CDC42BPA: variants seen among roughly 807,000 people sequenced by gnomAD.
CDC42BPA encodes the protein CDC42 binding protein kinase alpha.
In CDC42BPA, 80 loss-of-function variants were observed where a neutral mutation model predicts 223.5. That is an observed-to-expected ratio of 0.36 (90% CI 0.30 to 0.43). CDC42BPA has a LOEUF of 0.43. Ranked by LOEUF, CDC42BPA falls within the 20% of genes least tolerant of loss-of-function variation. The probability of loss-of-function intolerance (pLI) is 1.00; values close to 1 mark genes in which losing one functional copy is unlikely to be tolerated. For missense variants in CDC42BPA, 1,743 were observed against 2,099.9 expected (o/e 0.83, Z 3.32); for synonymous variants, 694 against 718.6 (o/e 0.97, Z 0.55).
chr1:227,153,694 G>C (rs2149742531), intron 6 of CDC42BPA, among the ~76,000 whole-genome samples: 1 of 151,924 alleles, frequency 6.6e-6, no homozygotes, highest in Middle Eastern at 3.4e-3. Context: ...CAGGAAGAAA[G>C]AGAAAGTCCA....
chr1:227,112,566 A>C, intron 13 of CDC42BPA, 105 bp downstream of exon 13: 1 of 989,568 alleles, frequency 1.0e-6, no homozygotes, highest in Non-Finnish European at 1.4e-6. Context: ...GAACTATAAA[A>C]ATAACTTTAG....
intron 30 of CDC42BPA, among the ~76,000 whole-genome samples, chr1:227,027,377 C>T (rs1026120645): frequency 2.0e-5 from 3 of 152,152 alleles, no homozygotes; most frequent in Non-Finnish European, 2.9e-5. Flanking sequence ...GACCCATACC[C>T]ATCACTCCTC....
intron 5 of CDC42BPA, among the ~76,000 whole-genome samples, chr1:227,166,240 C>T (rs1478316983): frequency 6.6e-6 from 1 of 152,286 alleles, no homozygotes; most frequent in Non-Finnish European, 1.5e-5. Context: ...TTTGGGCAGA[C>T]GGAAACTCTC....
intron 6 of CDC42BPA, among the ~76,000 whole-genome samples, chr1:227,148,819 T>C (rs1571980925): frequency 7.6e-6 from 1 of 132,184 alleles, no homozygotes; most frequent in Non-Finnish European, 1.6e-5. Context: ...AATATAACAA[T>C]TATTTGTATA....
chr1:227,280,791 T>C (rs536880807), intron 1 of CDC42BPA, among the ~76,000 whole-genome samples: 2 of 152,382 alleles, frequency 1.3e-5, no homozygotes, highest in East Asian at 3.9e-4. Context: ...AAGTTCTGTT[T>C]CCTAATAGGG....
chr1:227,094,922 C>G (rs991509738), intron 15 of CDC42BPA, among the ~76,000 whole-genome samples: 1 of 152,208 alleles, frequency 6.6e-6, no homozygotes, highest in Non-Finnish European at 1.5e-5. Context: ...ACAAAGCACT[C>G]CTTTCACCAA....
At chr1:227,208,787 T>C (rs1213705858) in intron 3 of CDC42BPA, among the ~76,000 whole-genome samples, 2 of 152,296 alleles carry the variant, frequency 1.3e-5, no homozygotes, top group East Asian at 1.9e-4. Context: ...AGTCAGGCAG[T>C]GTGATGCCTC....
rs533318159 is a variant in CDC42BPA, at chr1:227,011,225, TCTTGCCAGTTA to T, written c.4857+4844_4857+4854del. 1.1e-4 allele frequency among the ~76,000 whole-genome samples: 16 copies of T among 152,356 alleles called. 1 individual carries two copies. The South Asian group carries it at 3.3e-3, about 32-fold the overall frequency. On this transcript the variant is annotated intron_variant, in intron 34 of 36. Coordinates refer to ENST00000366766, the MANE Select transcript of CDC42BPA (RefSeq NM_001394014.1). Reference sequence around the variant, plus strand: ...CTTAGAAAGTTAAATTTTGTAATACTCTTGCCAGTTACTTAAATAGTTGATTTGCAAAAGAT... The same window carrying T: ...CTTAGAAAGTTAAATTTTGTAATACTCTTAAATAGTTGATTTGCAAAAGAT...
chr1:227,101,331 A>T, intron 14 of CDC42BPA, 92 bp from the exon 15 acceptor site: 2 of 739,070 alleles, frequency 2.7e-6, no homozygotes, highest in Non-Finnish European at 4.1e-6. Context: ...GTATTCATAT[A>T]ACTGCATTTT....
intron 2 of CDC42BPA, among the ~76,000 whole-genome samples, chr1:227,226,905 G>T (rs922825598): frequency 6.6e-5 from 10 of 152,036 alleles, no homozygotes; most frequent in Admixed American, 6.6e-4. Flanking sequence ...TAGATGGAGA[G>T]AAAAGAAAAT....
At chr1:227,152,723 G>A (rs941417532) in intron 6 of CDC42BPA, among the ~76,000 whole-genome samples, 4 of 151,950 alleles carry the variant, frequency 2.6e-5, no homozygotes, top group African/African-American at 9.7e-5. Flanking sequence ...ATTTATACAT[G>A]GATTAAATTC....
chr1:227,305,929 G>C (rs1484105599), intron 1 of CDC42BPA, among the ~76,000 whole-genome samples: 1 of 152,180 alleles, frequency 6.6e-6, no homozygotes, highest in East Asian at 1.9e-4. Context: ...TCGTGCCATT[G>C]CACTCCAGCC....
chr1:227,078,706 T>G (rs904370088), intron 17 of CDC42BPA, among the ~76,000 whole-genome samples: 3 of 152,172 alleles, frequency 2.0e-5, no homozygotes, highest in African/African-American at 7.2e-5. Context: ...AGGTTTTATA[T>G]ACTGCAGTGT....
chr1:227,301,677 C>G (rs1691658956), intron 1 of CDC42BPA, among the ~76,000 whole-genome samples: 1 of 152,096 alleles, frequency 6.6e-6, no homozygotes, highest in Non-Finnish European at 1.5e-5. Flanking sequence ...CTTTTTAATT[C>G]TGTAAAAACT....
chr1:227,118,392 G>C (rs1688105018), intron 12 of CDC42BPA, among the ~76,000 whole-genome samples: 1 of 151,984 alleles, frequency 6.6e-6, no homozygotes, highest in African/African-American at 2.4e-5. Context: ...TTTTTTAAAA[G>C]ACAAAGGATA....
At chr1:227,036,610 T>TA (rs1670309710) in intron 24 of CDC42BPA, among the ~76,000 whole-genome samples, 1 of 152,046 alleles carries the variant, frequency 6.6e-6, no homozygotes, top group South Asian at 2.1e-4. Context: ...TCTGTATTTT[T>TA]AGTAGAGACG....
At chr1:227,124,904 C>T (rs1484123439) in intron 11 of CDC42BPA, among the ~76,000 whole-genome samples, 1 of 152,026 alleles carries the variant, frequency 6.6e-6, no homozygotes, top group African/African-American at 2.4e-5. Flanking sequence ...TAACTTAAAA[C>T]CCTAAGACAT....
chr1:227,232,967 G>A (rs982249239), intron 2 of CDC42BPA, among the ~76,000 whole-genome samples: 10 of 152,156 alleles, frequency 6.6e-5, no homozygotes, highest in East Asian at 1.9e-4. Flanking sequence ...TGGCGGACAC[G>A]CCTCCCCGAG....
intron 3 of CDC42BPA, among the ~76,000 whole-genome samples, chr1:227,206,666 CAAG>C (rs1296720834): frequency 6.6e-6 from 1 of 152,066 alleles, no homozygotes; most frequent in Non-Finnish European, 1.5e-5. Context: ...TCTGCTTATT[CAAG>C]AATAGAAATA....
Sources: gnomAD v4.1 joint callset for allele counts (sites outside exome capture counted in the v4.1 genomes callset) on GRCh38, gnomAD v4.1.1 for gene constraint, MANE v1.5 for transcripts, NCBI Gene and HGNC (gene_info 2026-07-23, HGNC 2026-07-21) for gene names.